Variants in B9D1 observed in about 807,000 individuals in gnomAD.
B9D1 encodes the protein B9 domain-containing protein 1.
Under a neutral mutation model 26.1 loss-of-function variants are expected in B9D1, and 20 were observed. The ratio of observed to expected loss-of-function variants is 0.77; its 90% CI spans 0.54 to 1.12. B9D1 has a LOEUF of 1.12. Among genes scored for constraint, B9D1 ranks in the 50% most tolerant of loss-of-function variants. The pLI, the probability that B9D1 is intolerant of heterozygous loss-of-function variation, is 0.00. For missense variants in B9D1, 260 were observed against 273.7 expected, an observed-to-expected ratio of 0.95 and a Z score of 0.35; for synonymous variants, 105 against 103.1, an observed-to-expected ratio of 1.02 and a Z score of -0.11.
chr17:19,353,190 G>A (rs1158239749), intron 3 of B9D1, among the ~76,000 whole-genome samples: 2 of 150,922 alleles, frequency 1.3e-5, no homozygotes, highest in African/African-American at 2.4e-5. Flanking sequence ...TGGCCAGGCT[G>A]GTCTTGAACT....
chr17:19,376,785 TTCAAA>T (rs1264470006), intron 1 of B9D1, among the ~76,000 whole-genome samples: 11 of 128,366 alleles, frequency 8.6e-5, no homozygotes, highest in African/African-American at 4.4e-4. Flanking sequence ...AGACTCACTC[TTCAAA>T]TAAAATAAAA....
At chr17:19,349,312 C>G (rs545259572) in intron 3 of B9D1, among the ~76,000 whole-genome samples, 2 of 152,160 alleles carry the variant, frequency 1.3e-5, no homozygotes, top group South Asian at 4.1e-4. Context: ...CCTGGATGTC[C>G]TCTTTTGTGA....
chr17:19,355,118 C>T (rs2152271057), intron 3 of B9D1, among the ~76,000 whole-genome samples: 1 of 152,264 alleles, frequency 6.6e-6, no homozygotes, highest in Middle Eastern at 3.4e-3. Context: ...TTGGGTTTCA[C>T]TGTAGATATT....
chr17:19,353,934 C>CTT (rs1212377445), intron 3 of B9D1, among the ~76,000 whole-genome samples: 1 of 152,100 alleles, frequency 6.6e-6, no homozygotes, highest in African/African-American at 2.4e-5. Flanking sequence ...GAGCAAAACT[C>CTT]TGTCTCAAAA....
At chr17:19,353,468 C>A (rs4468685) in intron 3 of B9D1, among the ~76,000 whole-genome samples, 10,818 of 149,874 alleles carry the variant, frequency 0.072, 1,341 homozygotes, top group African/African-American at 0.25. Context: ...GAAACCCCAT[C>A]TCTAATAAAA....
rs371773594 is a variant in B9D1 at position 19,345,190 on chromosome 17, A to G, written c.405-1333T>C. 1.1e-3 allele frequency among the ~76,000 whole-genome samples: 161 copies of G among 152,282 alleles called. 1 individual carries two copies. The highest frequency in any genetic ancestry group is 1.7e-3 in the Admixed American group (26 of 15,298). ...GACCTGAGGCAAGGAAGGACCCCTC[A>G]GACTGCAGGAACTGAGGTAGATGGG... On this transcript the variant is annotated intron_variant, in intron 5 of 6. Transcript: ENST00000261499.
At position 19,357,943 on chromosome 17, in the gene B9D1, C is replaced by T; in HGVS notation, c.141G>A (p.Glu47=). 1.2e-6 allele frequency: 2 copies of T among 1,613,738 alleles called. No individual in the cohort carries two copies. The highest frequency in any genetic ancestry group is 1.7e-6 in the Non-Finnish European group (2 of 1,179,630). The change falls in exon 3 of 7, where the codon GAG becomes GAA. Residue 47 remains glutamate, a synonymous_variant. Transcript: ENST00000261499. ...GQDWAPTAGL[E]EGISQITSKS... is the part of the protein sequence containing the mutation. ...TGGATGTGATCTGTGAGATCCCCTC[C>T]TCCAGACCCTGTGAGGACAGTGACA... is the stretch of plus-strand genomic sequence containing the variant.
chr17:19,348,748 A>G (rs780842087), intron 3 of B9D1, among the ~76,000 whole-genome samples: 1 of 152,234 alleles, frequency 6.6e-6, no homozygotes, highest in Non-Finnish European at 1.5e-5. Context: ...AATGTTTTTG[A>G]AAGTTTATAC....
downstream of B9D1, among the ~76,000 whole-genome samples, chr17:19,340,182 C>G (rs1478358011): frequency 6.6e-6 from 1 of 152,006 alleles, no homozygotes; most frequent in Non-Finnish European, 1.5e-5. Flanking sequence ...GTTGTGCATT[C>G]TTTTTTGAGA....
At chr17:19,357,173 ATC>A (rs1910463084) in intron 3 of B9D1, among the ~76,000 whole-genome samples, 1 of 152,216 alleles carries the variant, frequency 6.6e-6, no homozygotes, top group African/African-American at 2.4e-5. Flanking sequence ...ATGGAGAGAA[ATC>A]TCTCCAGCAG....
downstream of B9D1, chr17:19,342,941 A>G: frequency 2.6e-6 from 1 of 378,668 alleles, no homozygotes. Context: ...AGTTCAAGGA[A>G]CAATGTGTTG....
At chr17:19,352,392 C>G (rs566068954) in intron 3 of B9D1, among the ~76,000 whole-genome samples, 2 of 151,790 alleles carry the variant, frequency 1.3e-5, no homozygotes, top group South Asian at 4.1e-4. Flanking sequence ...TCGCCCAGAC[C>G]GGAGTGAAGT....
chr17:19,347,738 C>T lies in B9D1; in HGVS notation c.341+46G>A, dbSNP rs1423629890. ...AGACAGAAAACGAGGTGAAGTCTGT[C>T]CTAGGACAAGTCCTGCCCAGGGCCC... On this transcript the variant is annotated intron_variant, in intron 4 of 6. Transcript: ENST00000261499. The surrounding 1 kb of genome is among the most constrained non-coding windows in gnomAD (Gnocchi z 4.3). The T allele has an allele frequency of 6.3e-7, 1 of 1,576,580 alleles. No homozygotes were observed. The highest frequency in any genetic ancestry group is 8.7e-7 in the Non-Finnish European group (1 of 1,148,052).
Position 19,343,283 on chromosome 17 carries a change from C to A in B9D1, c.*36G>T, listed in dbSNP as rs1323521360. On this transcript the variant is annotated 3_prime_UTR_variant, in exon 7 of 7. Transcript: ENST00000261499. Reference sequence around the variant, plus strand: ...CAGCGGCTGACTTCGGGAAGGCAGCCCTTCATTATCAGAGACTGTGCAGCC... The same window carrying A: ...CAGCGGCTGACTTCGGGAAGGCAGCACTTCATTATCAGAGACTGTGCAGCC... 2 of 1,613,586 alleles carry A rather than the reference C, an allele frequency of 1.2e-6. No individual in the cohort carries two copies. The highest frequency in any genetic ancestry group is 1.7e-6 in the Non-Finnish European group (2 of 1,179,898).
chr17:19,335,389 CT>C (rs780936813), downstream of B9D1: 22 of 1,544,542 alleles, frequency 1.4e-5, no homozygotes, highest in Admixed American at 2.0e-5. Context: ...CAACTAATTC[CT>C]TTTTTTTATT....
chr17:19,369,329 T>C (rs539453685), intron 1 of B9D1, among the ~76,000 whole-genome samples: 65 of 152,316 alleles, frequency 4.3e-4, no homozygotes, highest in African/African-American at 1.5e-3. Flanking sequence ...CTGAGACAAC[T>C]GTGCACCTCT....
chr17:19,353,289 G>C (rs1401967569), intron 3 of B9D1, among the ~76,000 whole-genome samples: 2 of 152,078 alleles, frequency 1.3e-5, no homozygotes, highest in Non-Finnish European at 2.9e-5. Context: ...TTTCTTAAGA[G>C]AGATGCTGAA....
intron 1 of B9D1, among the ~76,000 whole-genome samples, chr17:19,376,660 T>G (rs1912134364): frequency 7.0e-6 from 1 of 143,086 alleles, no homozygotes; most frequent in African/African-American, 2.6e-5. Context: ...AAGCCGGGCT[T>G]GATGGCTCAT....
At chr17:19,373,806 C>T (rs538419718) in intron 1 of B9D1, among the ~76,000 whole-genome samples, 2 of 152,144 alleles carry the variant, frequency 1.3e-5, no homozygotes, top group Admixed American at 6.5e-5. Flanking sequence ...GGATTACAGG[C>T]GTGAGTCACC....
Sources: allele counts gnomAD v4.1 joint callset (sites outside exome capture counted in the v4.1 genomes callset), GRCh38; gene constraint gnomAD v4.1.1; non-coding constraint Gnocchi (gnomAD v3.1); transcripts MANE v1.5; gene names NCBI Gene and HGNC (gene_info 2026-07-23, HGNC 2026-07-21).